PTPRD: variants seen among roughly 807,000 people sequenced by gnomAD.
PTPRD encodes receptor-type tyrosine-protein phosphatase delta.
In PTPRD, 34 loss-of-function variants were observed where a neutral mutation model predicts 214.5. The observed-to-expected ratio is 0.16, with a 90% CI of 0.12 to 0.21. PTPRD has a LOEUF of 0.21. PTPRD is among the 10% of genes least tolerant of loss of function. The pLI is 1.00. For synonymous variants in PTPRD, 1,128 were observed against 845.7 expected (o/e 1.33, Z -5.79); for missense variants, 2,545 against 2,398.7 (o/e 1.06, Z -1.27).
intron 2 of PTPRD, among the ~76,000 whole-genome samples, chr9:10,527,835 T>C (rs540707305): frequency 6.6e-6 from 1 of 152,264 alleles, no homozygotes; most frequent in East Asian, 1.9e-4. Flanking sequence ...TCTGCCTAGT[T>C]CAAGATAATA....
intron 9 of PTPRD, among the ~76,000 whole-genome samples, chr9:9,332,783 G>A (rs1384742561): frequency 6.6e-6 from 1 of 151,804 alleles, no homozygotes; most frequent in African/African-American, 2.4e-5. Context: ...TAATGAAAGA[G>A]TTGTCAAATT....
intron 2 of PTPRD, among the ~76,000 whole-genome samples, chr9:10,578,250 T>C (rs1489494405): frequency 6.6e-6 from 1 of 152,132 alleles, no homozygotes; most frequent in East Asian, 1.9e-4. Context: ...GAATGTCTCC[T>C]AAATTTTCTA....
At chr9:9,048,916 A>G (rs942681011) in intron 10 of PTPRD, among the ~76,000 whole-genome samples, 2 of 152,184 alleles carry the variant, frequency 1.3e-5, no homozygotes, top group African/African-American at 4.8e-5. Flanking sequence ...AAAACATCTC[A>G]TGTACCCCAT....
intron 43 of PTPRD, among the ~76,000 whole-genome samples, chr9:8,335,633 T>G (rs1443692209): frequency 6.6e-6 from 1 of 152,164 alleles, no homozygotes; most frequent in Non-Finnish European, 1.5e-5. Context: ...GTATTGGAAG[T>G]TCTGGCCAGG....
intron 35 of PTPRD, among the ~76,000 whole-genome samples, chr9:8,414,927 G>GAGAGA: frequency 3.0e-5 from 2 of 66,000 alleles, no homozygotes; most frequent in Non-Finnish European, 5.8e-5. Flanking sequence ...GAGAGAGGGA[G>GAGAGA]GGGGAGAGAG....
chr9:8,763,132 C>T (rs1478933888), intron 11 of PTPRD, among the ~76,000 whole-genome samples: 2 of 152,250 alleles, frequency 1.3e-5, no homozygotes, highest in East Asian at 3.9e-4. Flanking sequence ...TTTCAAGCTA[C>T]TGAAGATCTC....
At chr9:10,281,616 T>C (rs1319049349) in intron 3 of PTPRD, among the ~76,000 whole-genome samples, 1 of 152,198 alleles carries the variant, frequency 6.6e-6, no homozygotes, top group Admixed American at 6.5e-5. Flanking sequence ...TTAGACTCCA[T>C]AGATGTGCAA....
intron 7 of PTPRD, among the ~76,000 whole-genome samples, chr9:9,617,889 G>A (rs938286531): frequency 5.3e-5 from 8 of 151,430 alleles, no homozygotes; most frequent in Non-Finnish European, 1.2e-4. Context: ...TGGCTAACAT[G>A]GTGAAACCCT....
At chr9:8,387,752 T>C (rs986177318) in intron 37 of PTPRD, among the ~76,000 whole-genome samples, 1 of 152,212 alleles carries the variant, frequency 6.6e-6, no homozygotes, top group Non-Finnish European at 1.5e-5. Context: ...TATACTCATA[T>C]GTAAACTGGA....
chr9:9,485,211 T>TA (rs796522402), intron 8 of PTPRD, among the ~76,000 whole-genome samples: 2 of 152,082 alleles, frequency 1.3e-5, no homozygotes, highest in South Asian at 2.1e-4. Flanking sequence ...CTATTATGGG[T>TA]AAAAAAATTG....
At chr9:10,045,040 T>A (rs920139486) in intron 3 of PTPRD, among the ~76,000 whole-genome samples, 2 of 151,660 alleles carry the variant, frequency 1.3e-5, no homozygotes, top group Non-Finnish European at 3.0e-5. Flanking sequence ...ATGCAGAAAT[T>A]GCTCACTATG....
chr9:9,530,388 A>G (rs2075187252), intron 8 of PTPRD, among the ~76,000 whole-genome samples: 1 of 152,218 alleles, frequency 6.6e-6, no homozygotes, highest in African/African-American at 2.4e-5. Flanking sequence ...GAACACATAG[A>G]GGAAATGGAT....
intron 9 of PTPRD, among the ~76,000 whole-genome samples, chr9:9,338,208 T>A (rs956199376): frequency 6.6e-6 from 1 of 152,222 alleles, no homozygotes; most frequent in Admixed American, 6.5e-5. Flanking sequence ...ATTATTCTTA[T>A]GTTCAAATTC....
chr9:8,356,376 C>G (rs1247660651), intron 39 of PTPRD, among the ~76,000 whole-genome samples: 1 of 152,118 alleles, frequency 6.6e-6, no homozygotes, highest in East Asian at 1.9e-4. Context: ...CATTTTATGA[C>G]CAAGGGGCAC....
intron 7 of PTPRD, among the ~76,000 whole-genome samples, chr9:9,635,383 C>A (rs970067649): frequency 2.0e-5 from 3 of 152,234 alleles, no homozygotes; most frequent in African/African-American, 7.2e-5. Flanking sequence ...ATATTCCTCT[C>A]GCACCAAGTG....
chr9:8,992,215 G>A (rs542324881), intron 11 of PTPRD, among the ~76,000 whole-genome samples: 1 of 152,240 alleles, frequency 6.6e-6, no homozygotes, highest in South Asian at 2.1e-4. Context: ...AATGTCAAGT[G>A]TAAACATATC....
In PTPRD at chr9:8,630,220, A is replaced by G. The variant is rs774606779; in HGVS notation, c.352+3097T>C. ...GAATCTAATGAGGCCACTGGACGAA[A>G]AGTGTAAAATGGTCTCCATCTACTG... On this transcript the variant is annotated intron_variant, in intron 14 of 45. Transcript: ENST00000381196. Among the ~76,000 whole-genome samples the G allele has an allele frequency of 4.2e-4, 64 of 151,860 alleles. 1 individual carries two copies. The highest frequency in any genetic ancestry group is 7.7e-4 in the Non-Finnish European group (52 of 67,830).
intron 12 of PTPRD, among the ~76,000 whole-genome samples, chr9:8,725,396 C>G (rs568618211): frequency 6.6e-6 from 1 of 152,098 alleles, no homozygotes; most frequent in African/African-American, 2.4e-5. Context: ...ATGCTTGGCA[C>G]GGGAAATGTG....
intron 10 of PTPRD, among the ~76,000 whole-genome samples, chr9:9,166,221 G>C (rs912572047): frequency 6.6e-6 from 1 of 151,488 alleles, no homozygotes. Flanking sequence ...GTAATAGTAG[G>C]AATAGAGGAG....
Sources: gnomAD v4.1 joint callset for allele counts (sites outside exome capture counted in the v4.1 genomes callset) on GRCh38, gnomAD v4.1.1 for gene constraint, MANE v1.5 for transcripts, NCBI Gene and HGNC (gene_info 2026-07-23, HGNC 2026-07-21) for gene names.